The following PAQR3 variants were observed in gnomAD, a reference collection of about 807,000 sequenced individuals.
The protein encoded by PAQR3 is progestin and adipoQ receptor family member 3, also known as Raf kinase trapping to Golgi.
PAQR3 carries 39 observed loss-of-function variants against 41.7 expected under a neutral mutation model. That is an observed-to-expected ratio of 0.93 (90% CI 0.72 to 1.22). The LOEUF (loss-of-function observed/expected upper bound fraction) is 1.22. PAQR3 is among the 50% of genes most tolerant of loss of function. PAQR3 has a pLI of 0.00. For synonymous variants in PAQR3, 140 were observed against 140.6 expected (o/e 1.00, Z 0.03); for missense variants, 366 against 385.6 (o/e 0.95, Z 0.42).
At chr4:78,937,880 T>G in intron 1 of PAQR3, among the ~76,000 whole-genome samples, 1 of 152,246 alleles carries the variant, frequency 6.6e-6, no homozygotes, top group East Asian at 1.9e-4. Context: ...CTGCTTGCCC[T>G]ATTCTTGTGG....
At chr4:78,929,693 A>C (rs978122560) in intron 3 of PAQR3, among the ~76,000 whole-genome samples, 67 of 152,358 alleles carry the variant, frequency 4.4e-4, no homozygotes, top group African/African-American at 1.4e-3. Context: ...AAGACAGGAA[A>C]ACATATTTTA....
rs79873450 is a variant in PAQR3, at chr4:78,891,632, A to G, written c.*837-3484T>C. 5.6e-3 allele frequency among the ~76,000 whole-genome samples: 850 copies of G among 152,280 alleles called. 11 individuals carry two copies. Among genetic ancestry groups the G allele is most frequent in the African/African-American group, 0.019 (805 of 41,566 alleles). ...CTTTATATTACAGACATTATTTCTGATTGCAAATAACATATTATTGGATGC... is the reference window on the plus strand; with the variant it reads ...CTTTATATTACAGACATTATTTCTGGTTGCAAATAACATATTATTGGATGC... On this transcript the variant is annotated intron_variant and NMD_transcript_variant, in intron 11 of 12. Transcript: ENST00000342820.
intron 3 of PAQR3, among the ~76,000 whole-genome samples, chr4:78,929,357 G>A (rs955033841): frequency 9.8e-5 from 15 of 152,296 alleles, no homozygotes; most frequent in African/African-American, 1.4e-4. Flanking sequence ...AAGTAGGGTC[G>A]AAGGGGACTT....
chr4:78,909,161 C>T (rs565136083), downstream of PAQR3, among the ~76,000 whole-genome samples: 7 of 147,640 alleles, frequency 4.7e-5, no homozygotes, highest in Non-Finnish European at 1.0e-4. Context: ...CAGTTTCAAG[C>T]GATTCTCCTG....
At chr4:78,889,834 G>A (rs980378279) in intron 11 of PAQR3, among the ~76,000 whole-genome samples, 1 of 152,266 alleles carries the variant, frequency 6.6e-6, no homozygotes, top group South Asian at 2.1e-4. Context: ...TTAATTTTTA[G>A]TAAACCATAT....
At position 78,934,417 on chromosome 4, in the gene PAQR3, G is replaced by A. The variant is rs185435795; in HGVS notation, c.348+704C>T. Among the ~76,000 whole-genome samples, 393 of 152,286 alleles carry A rather than the reference G, an allele frequency of 2.6e-3. 1 individual carries two copies. Among genetic ancestry groups the A allele is most frequent in the Non-Finnish European group, 4.4e-3 (301 of 68,012 alleles). ...CTGTCATGAGAAAGGGGGATAATAA[G>A]TTTTTCATTTTTGTGTTTTTTTATG... On this transcript the variant is annotated intron_variant, in intron 2 of 5. Transcript: ENST00000512733.
chr4:78,931,185 TAAA>T (rs1553925635), intron 2 of PAQR3, among the ~76,000 whole-genome samples: 2 of 115,060 alleles, frequency 1.7e-5, no homozygotes, highest in Non-Finnish European at 1.7e-5. Context: ...CCTCATTTCT[TAAA>T]AAAAAAAAAA....
intron 1 of PAQR3, among the ~76,000 whole-genome samples, chr4:78,937,170 G>A (rs139471888): frequency 6.6e-6 from 1 of 152,292 alleles, no homozygotes; most frequent in African/African-American, 2.4e-5. Context: ...CTGAGCCCCT[G>A]TCCCATCTCA....
chr4:78,905,416 T>C (rs1298378437), intron 11 of PAQR3, among the ~76,000 whole-genome samples: 1 of 151,852 alleles, frequency 6.6e-6, no homozygotes, highest in African/African-American at 2.4e-5. Flanking sequence ...AATACATTAC[T>C]TAGAGCCAAA....
chr4:78,938,263 T>C (rs1175692698), intron 1 of PAQR3, among the ~76,000 whole-genome samples: 2 of 152,220 alleles, frequency 1.3e-5, no homozygotes, highest in Non-Finnish European at 2.9e-5. Flanking sequence ...GGTAGTAAGT[T>C]TGGACAGTTA....
In PAQR3 at chr4:78,939,254, G is replaced by GGGAGCTCCCCCAGGTCCCGCCTCC; in HGVS notation, c.-54_-31dup. On this transcript the variant is annotated 5_prime_UTR_variant, in exon 1 of 6. Coordinates refer to ENST00000512733, the MANE Select transcript of PAQR3 (RefSeq NM_001040202.2). ...CCCGGCCGCCGCCGCTCCCCGGCTC[G>GGGAGCTCCCCCAGGTCCCGCCTCC]GGAGCTCCCCCAGGTCCCGCCTCCC... The GGGAGCTCCCCCAGGTCCCGCCTCC allele has an allele frequency of 6.4e-7, 1 of 1,569,004 alleles. No homozygotes were observed. Among genetic ancestry groups the GGGAGCTCCCCCAGGTCCCGCCTCC allele is most frequent in the East Asian group, 2.6e-5 (1 of 39,134 alleles).
In PAQR3 at chr4:78,939,254, G is replaced by C. The variant is rs1737785168; in HGVS notation, c.-30C>G. On this transcript the variant is annotated 5_prime_UTR_variant, in exon 1 of 6. Transcript: ENST00000512733. ...CCCGGCCGCCGCCGCTCCCCGGCTC[G>C]GGAGCTCCCCCAGGTCCCGCCTCCC... 1.3e-6 allele frequency: 2 copies of C among 1,568,886 alleles called. No homozygotes were observed. The highest frequency in any genetic ancestry group is 2.6e-5 in the East Asian group (1 of 39,146).
At chr4:78,937,830 G>T (rs1560587734) in intron 1 of PAQR3, among the ~76,000 whole-genome samples, 1 of 152,316 alleles carries the variant, frequency 6.6e-6, no homozygotes, top group East Asian at 1.9e-4. Flanking sequence ...GAACGCAGAA[G>T]ACCACTGCTA....
At chr4:78,910,030 T>C (rs1351960060), downstream of PAQR3, among the ~76,000 whole-genome samples, 1 of 152,210 alleles carries the variant, frequency 6.6e-6, no homozygotes, top group African/African-American at 2.4e-5. Flanking sequence ...AGAAGGCAGA[T>C]GTTTTTGGTA....
chr4:78,911,838 T>C, downstream of PAQR3: 1 of 1,614,018 alleles, frequency 6.2e-7, no homozygotes, highest in African/African-American at 1.3e-5. Flanking sequence ...ATCACAATAC[T>C]GTCCTGCCAG....
intron 2 of PAQR3, chr4:78,932,930 C>A: frequency 3.5e-6 from 1 of 286,590 alleles, no homozygotes; most frequent in Non-Finnish European, 7.1e-6. Context: ...TACCTCACTC[C>A]ATCAAGGTAG....
intron 1 of PAQR3, among the ~76,000 whole-genome samples, chr4:78,936,360 C>G (rs1737428412): frequency 6.6e-6 from 1 of 152,180 alleles, no homozygotes; most frequent in African/African-American, 2.4e-5. Context: ...ACATATAACT[C>G]TAAATTTGTA....
Position 78,901,525 on chromosome 4 carries a change from GA to G in PAQR3, c.*836+4582del, listed in dbSNP as rs567017877. ...ATTTCCACTACCAGTATCTGTTTAA[GA>G]TGGTGCCATTCCTATTTTCACTAAA... On this transcript the variant is annotated intron_variant and NMD_transcript_variant, in intron 11 of 12. Coordinates refer to the PAQR3 transcript ENST00000342820. 1.1e-3 allele frequency among the ~76,000 whole-genome samples: 163 copies of G among 152,256 alleles called. 1 individual carries two copies. The highest frequency in any genetic ancestry group is 2.2e-3 in the Admixed American group (34 of 15,286).
rs1272533345 is a variant in PAQR3, at chr4:78,939,289, G to A, written c.-65C>T. 1 of 1,468,226 alleles carries A rather than the reference G, an allele frequency of 6.8e-7. No individual in the cohort carries two copies. 90.9% of individuals were successfully genotyped at this position (1,468,226 alleles called of 1,614,324 possible). ...CCAGGTCCCGCCTCCCCGGGGAGGG[G>A]GCTTCGCCGCTGGCGCCCCCGCCCC... On this transcript the variant is annotated 5_prime_UTR_variant, in exon 1 of 6. Coordinates refer to ENST00000512733, the MANE Select transcript of PAQR3 (RefSeq NM_001040202.2).
Sources: gnomAD v4.1 joint callset for allele counts (sites outside exome capture counted in the v4.1 genomes callset) on GRCh38, gnomAD v4.1.1 for gene constraint, MANE v1.5 for transcripts, NCBI Gene and HGNC (gene_info 2026-07-23, HGNC 2026-07-21) for gene names.